PCDHA3: variants seen among roughly 807,000 people sequenced by gnomAD.
PCDHA3 encodes the protein protocadherin alpha 3.
Under a neutral mutation model 62.2 loss-of-function variants are expected in PCDHA3, and 41 were observed. That is an observed-to-expected ratio of 0.66 (90% CI 0.51 to 0.86). PCDHA3 has a LOEUF of 0.86. PCDHA3 is among the 40% of genes least tolerant of loss of function. The probability of loss-of-function intolerance (pLI) is 0.00; values close to 1 mark genes in which losing one functional copy is unlikely to be tolerated. For missense variants in PCDHA3, 1,304 were observed against 1,241.2 expected, an observed-to-expected ratio of 1.05 and a Z score of -0.76; for synonymous variants, 640 against 555.4, an observed-to-expected ratio of 1.15 and a Z score of -2.14.
rs571034520 is a variant in PCDHA3 at position 140,922,140 on chromosome 5, A to G, written c.2395-56809A>G. ...CACCTTTAAATGTCTCTTATCCTCC[A>G]TGAAACTCATCAAAAACAACAAAAA... On this transcript the variant is annotated intron_variant, in intron 1 of 3. Coordinates refer to ENST00000522353, the MANE Select transcript of PCDHA3 (RefSeq NM_018906.3). Among the ~76,000 whole-genome samples the G allele has an allele frequency of 6.6e-5, 10 of 152,202 alleles. No individual in the cohort carries two copies. The East Asian group carries it at 1.9e-3, about 29-fold the overall frequency.
At chr5:140,946,219 G>A (rs2093905754) in intron 1 of PCDHA3, among the ~76,000 whole-genome samples, 1 of 151,856 alleles carries the variant, frequency 6.6e-6, no homozygotes, top group Non-Finnish European at 1.5e-5. Context: ...TGACCAACAG[G>A]TATACTAAAA....
intron 1 of PCDHA3, among the ~76,000 whole-genome samples, chr5:140,871,786 T>G (rs2053308227): frequency 6.6e-6 from 1 of 152,224 alleles, no homozygotes; most frequent in African/African-American, 2.4e-5. Flanking sequence ...GTCACTTGAG[T>G]AGAAATAATT....
At chr5:140,927,072 C>A in intron 1 of PCDHA3, 2 of 1,610,790 alleles carry the variant, frequency 1.2e-6, no homozygotes, top group Non-Finnish European at 1.7e-6. Flanking sequence ...TCCTTTCCAG[C>A]CACCGCGAGC....
intron 1 of PCDHA3, chr5:140,966,499 A>C (rs960365429): frequency 1.4e-5 from 6 of 431,834 alleles, no homozygotes; most frequent in Non-Finnish European, 2.4e-5. Context: ...CTGGAGCTGT[A>C]GCGGCAGCAG....
chr5:141,006,525 T>G (rs1366958955), intron 3 of PCDHA3, among the ~76,000 whole-genome samples: 1 of 152,108 alleles, frequency 6.6e-6, no homozygotes, highest in African/African-American at 2.4e-5. Context: ...TATACATCAG[T>G]TTTTAAAGAG....
At chr5:140,851,027 C>T (rs782593711) in intron 1 of PCDHA3, 2 of 1,410,074 alleles carry the variant, frequency 1.4e-6, no homozygotes, top group South Asian at 1.8e-5. Context: ...TAAAGTAAAC[C>T]CCTTAACATT....
chr5:140,929,461 C>A, intron 1 of PCDHA3: 1 of 1,314,566 alleles, frequency 7.6e-7, no homozygotes, highest in Non-Finnish European at 1.0e-6. Context: ...CTTCCTGTGC[C>A]AAGAAATCTG....
At chr5:140,882,806 T>G in intron 1 of PCDHA3, 2 of 1,614,218 alleles carry the variant, frequency 1.2e-6, no homozygotes, top group Non-Finnish European at 1.7e-6. Flanking sequence ...TTATTTCACT[T>G]TGGACGCACA....
At chr5:140,895,862 A>T (rs1199310977) in intron 1 of PCDHA3, among the ~76,000 whole-genome samples, 1 of 152,136 alleles carries the variant, frequency 6.6e-6, no homozygotes, top group Non-Finnish European at 1.5e-5. Context: ...CCCAGGCTGG[A>T]GTGCAATGGC....
intron 1 of PCDHA3, among the ~76,000 whole-genome samples, chr5:140,819,034 C>G (rs1766478495): frequency 6.6e-6 from 1 of 152,116 alleles, no homozygotes; most frequent in African/African-American, 2.4e-5. Context: ...AGCACATTCC[C>G]TTATAGGGCA....
At chr5:140,974,828 A>T (rs2096642920) in intron 1 of PCDHA3, among the ~76,000 whole-genome samples, 1 of 152,188 alleles carries the variant, frequency 6.6e-6, no homozygotes, top group Non-Finnish European at 1.5e-5. Flanking sequence ...CAACATAATG[A>T]TTATTTTAAA....
chr5:140,973,203 A>T (rs1554234958), intron 1 of PCDHA3, among the ~76,000 whole-genome samples: 1 of 152,196 alleles, frequency 6.6e-6, no homozygotes, highest in Non-Finnish European at 1.5e-5. Flanking sequence ...ATGTGTGCAT[A>T]TTCACCCTAA....
intron 1 of PCDHA3, among the ~76,000 whole-genome samples, chr5:140,933,221 G>A (rs952837794): frequency 2.0e-5 from 3 of 151,758 alleles, no homozygotes; most frequent in Non-Finnish European, 4.4e-5. Flanking sequence ...CTGTTATATT[G>A]CATTTATGAA....
chr5:140,856,036 A>G (rs1554148102), intron 1 of PCDHA3: 5 of 1,567,408 alleles, frequency 3.2e-6, no homozygotes, highest in Non-Finnish European at 4.3e-6. Flanking sequence ...TTGTAAAACA[A>G]GAGAAGGATA....
At chr5:140,992,261 G>A (rs1056414788) in intron 3 of PCDHA3, among the ~76,000 whole-genome samples, 1 of 152,172 alleles carries the variant, frequency 6.6e-6, no homozygotes, top group Non-Finnish European at 1.5e-5. Context: ...AAAGATGAAA[G>A]TTCTTTTCGT....
chr5:140,928,570 C>A (rs2085340367), intron 1 of PCDHA3: 1 of 1,614,196 alleles, frequency 6.2e-7, no homozygotes, highest in South Asian at 1.1e-5. Flanking sequence ...GTTTCCCTTG[C>A]CCAGAAATGG....
chr5:140,976,449 G>T (rs1554237649), intron 1 of PCDHA3, among the ~76,000 whole-genome samples: 1 of 152,136 alleles, frequency 6.6e-6, no homozygotes, highest in Non-Finnish European at 1.5e-5. Flanking sequence ...TACTAGGGAG[G>T]CTGGGGAAGA....
In PCDHA3 at chr5:140,875,833, G is replaced by A. The variant is rs782436615; in HGVS notation, c.2394+72242G>A. 1 of 1,614,220 alleles carries A rather than the reference G, an allele frequency of 6.2e-7. No homozygotes were observed. Among genetic ancestry groups the A allele is most frequent in the Non-Finnish European group, 8.5e-7 (1 of 1,180,044 alleles). On this transcript the variant is annotated intron_variant, in intron 1 of 3. Coordinates refer to ENST00000522353, the MANE Select transcript of PCDHA3 (RefSeq NM_018906.3). ...GCCGCTGCAGGTTTTCCATGTGGAC[G>A]TGGAGGTGAAGGACATTAACGACAA...
At chr5:140,845,181 TA>T (rs1554140854) in intron 1 of PCDHA3, among the ~76,000 whole-genome samples, 1 of 149,328 alleles carries the variant, frequency 6.7e-6, no homozygotes, top group African/African-American at 2.5e-5. Context: ...TTTAGTCCTT[TA>T]AAAAATATGA....
Sources: gnomAD v4.1 joint callset for allele counts (sites outside exome capture counted in the v4.1 genomes callset) on GRCh38, gnomAD v4.1.1 for gene constraint, MANE v1.5 for transcripts, NCBI Gene and HGNC (gene_info 2026-07-23, HGNC 2026-07-21) for gene names.